MDGA2: variants seen among roughly 807,000 people sequenced by gnomAD.
MDGA2 encodes the protein MAM domain-containing glycosylphosphatidylinositol anchor protein 2.
Under a neutral mutation model 117.8 loss-of-function variants are expected in MDGA2, and 40 were observed. The observed-to-expected ratio is 0.34, with a 90% CI of 0.26 to 0.44. MDGA2 has a LOEUF of 0.44. Among genes scored for constraint, MDGA2 ranks in the 20% least tolerant of loss-of-function variants. The pLI is 1.00. For missense variants in MDGA2, 1,123 were observed against 1,250.6 expected, an observed-to-expected ratio of 0.90 and a Z score of 1.54; for synonymous variants, 452 against 439.0, an observed-to-expected ratio of 1.03 and a Z score of -0.37.
At chr14:47,604,192 T>C (rs1896698598) in intron 1 of MDGA2, among the ~76,000 whole-genome samples, 2 of 152,192 alleles carry the variant, frequency 1.3e-5, no homozygotes, top group African/African-American at 2.4e-5. Flanking sequence ...GAATAAAACT[T>C]GGAAGGAATA....
At chr14:46,901,031 A>T (rs1189914304) in intron 10 of MDGA2, among the ~76,000 whole-genome samples, 1 of 152,118 alleles carries the variant, frequency 6.6e-6, no homozygotes, top group Non-Finnish European at 1.5e-5. Flanking sequence ...AAGAAAAAAA[A>T]CACTGCTTAT....
In MDGA2 at chr14:47,027,627, T is replaced by TA. The variant is rs1555344547; in HGVS notation, c.1819+7383_1819+7384insT. Among the ~76,000 whole-genome samples the TA allele has an allele frequency of 1.0e-3, 147 of 145,952 alleles. 1 individual carries two copies. The highest frequency in any genetic ancestry group is 1.9e-3 in the Non-Finnish European group (127 of 66,484). ...TTGCTCTATCTGAAGATATTATATA[T>TA]TATATATATATATATATGCAATGCA... is the stretch of plus-strand genomic sequence containing the variant. On this transcript the variant is annotated intron_variant, in intron 8 of 16. Transcript: ENST00000399232.
intron 1 of MDGA2, among the ~76,000 whole-genome samples, chr14:47,626,818 C>G (rs1052681949): frequency 6.6e-6 from 1 of 152,230 alleles, no homozygotes; most frequent in Non-Finnish European, 1.5e-5. Flanking sequence ...GCTCCTGCGC[C>G]GCCAGAGCCT....
intron 5 of MDGA2, among the ~76,000 whole-genome samples, chr14:47,121,673 A>G (rs1881659951): frequency 6.6e-6 from 1 of 152,100 alleles, no homozygotes; most frequent in African/African-American, 2.4e-5. Flanking sequence ...CTATAAACAT[A>G]TGATTTAATT....
At chr14:47,452,177 C>T (rs776771099) in intron 1 of MDGA2, among the ~76,000 whole-genome samples, 1 of 151,912 alleles carries the variant, frequency 6.6e-6, no homozygotes, top group Non-Finnish European at 1.5e-5. Context: ...TTTCTCAGTG[C>T]CCTCCCCCAC....
chr14:47,314,218 A>C (rs913806551), intron 1 of MDGA2, among the ~76,000 whole-genome samples: 5 of 152,152 alleles, frequency 3.3e-5, no homozygotes, highest in African/African-American at 1.2e-4. Flanking sequence ...AAAAGATTTT[A>C]TGAGGATGTG....
rs939593737 is a variant in MDGA2 at position 47,674,623 on chromosome 14, G to T, written c.174C>A (p.Thr58=). The T allele has an allele frequency of 6.5e-7, 1 of 1,537,834 alleles. No individual in the cohort carries two copies. Among genetic ancestry groups the T allele is most frequent in the Non-Finnish European group, 8.8e-7 (1 of 1,134,952 alleles). Residue 58 remains threonine, a synonymous_variant, in exon 1 of 17, where the codon ACC becomes ACA. Coordinates refer to ENST00000399232, the MANE Select transcript of MDGA2 (RefSeq NM_001113498.3). ...AAGLLKVPLR[T]PWAGYVHVHV... is the part of the protein sequence containing the mutation. ...GAACATGAACATATCCAGCCCAGGG[G>T]GTACGCAACGGGACCTTCAGGAGGC...
At chr14:47,528,845 T>TGTAAAACAATCTATCTAC (rs1184013728) in intron 1 of MDGA2, among the ~76,000 whole-genome samples, 1 of 152,196 alleles carries the variant, frequency 6.6e-6, no homozygotes, top group Non-Finnish European at 1.5e-5. Flanking sequence ...TATTTTATCT[T>TGTAAAACAATCTATCTAC]GTAAAACAAT....
At position 47,575,594 on chromosome 14, in the gene MDGA2, G is replaced by A. The variant is rs887014801; in HGVS notation, c.280+98923C>T. Among the ~76,000 whole-genome samples, 5 of 152,106 alleles carry A rather than the reference G, an allele frequency of 3.3e-5. 1 individual carries two copies. The highest frequency in any genetic ancestry group is 7.4e-5 in the Non-Finnish European group (5 of 68,020). ...TACTTTTGCCATGCCAACCTCATAG[G>A]TAATCATTAGAAAATAAAACTTTGG... On this transcript the variant is annotated intron_variant, in intron 1 of 16. Transcript: ENST00000399232.
chr14:47,344,274 C>G (rs1191194989), intron 1 of MDGA2, among the ~76,000 whole-genome samples: 2 of 152,114 alleles, frequency 1.3e-5, no homozygotes, highest in African/African-American at 2.4e-5. Flanking sequence ...TGCCTCTCAT[C>G]CTGTTGTTAA....
At chr14:47,283,644 G>T (rs1038938224) in intron 2 of MDGA2, among the ~76,000 whole-genome samples, 1 of 152,110 alleles carries the variant, frequency 6.6e-6, no homozygotes, top group African/African-American at 2.4e-5. Flanking sequence ...TTGATGCTCG[G>T]TGCTTGTCAT....
intron 10 of MDGA2, among the ~76,000 whole-genome samples, chr14:46,917,088 G>C (rs747362229): frequency 1.3e-5 from 2 of 151,860 alleles, no homozygotes; most frequent in African/African-American, 2.4e-5. Flanking sequence ...AATCAAGAAG[G>C]CTTGAAATGA....
At chr14:47,483,919 C>T (rs894648145) in intron 1 of MDGA2, among the ~76,000 whole-genome samples, 1 of 152,114 alleles carries the variant, frequency 6.6e-6, no homozygotes, top group African/African-American at 2.4e-5. Flanking sequence ...TTACTTTTGT[C>T]TACCCAGTAT....
At chr14:47,633,880 T>C (rs986377899) in intron 1 of MDGA2, among the ~76,000 whole-genome samples, 1 of 152,152 alleles carries the variant, frequency 6.6e-6, no homozygotes, top group Non-Finnish European at 1.5e-5. Context: ...AACATAAGGA[T>C]TGGTGCAAAC....
At chr14:47,075,494 CA>C (rs899544168) in intron 6 of MDGA2, among the ~76,000 whole-genome samples, 1 of 152,122 alleles carries the variant, frequency 6.6e-6, no homozygotes, top group African/African-American at 2.4e-5. Flanking sequence ...TCCATTTTGT[CA>C]ATTATCAGAC....
chr14:47,091,421 A>C (rs751999885), intron 6 of MDGA2, among the ~76,000 whole-genome samples: 5 of 152,164 alleles, frequency 3.3e-5, no homozygotes, highest in Non-Finnish European at 5.9e-5. Flanking sequence ...ATGTGATAAG[A>C]AGCAATAAAT....
chr14:47,078,907 T>G (rs913290544), intron 6 of MDGA2, among the ~76,000 whole-genome samples: 28 of 152,136 alleles, frequency 1.8e-4, no homozygotes, highest in African/African-American at 6.0e-4. Context: ...CCTATCTAAC[T>G]GAAATTTTGT....
intron 14 of MDGA2, among the ~76,000 whole-genome samples, chr14:46,873,106 C>T (rs375205228): frequency 1.3e-5 from 2 of 151,852 alleles, no homozygotes; most frequent in Admixed American, 1.3e-4. Context: ...CAGTCACTGT[C>T]GAAGCATGTT....
Position 47,463,313 on chromosome 14 carries a change from C to T in MDGA2, c.281-161763G>A, listed in dbSNP as rs533797436. ...AATGCTTGCACCCAAACATATAGTG[C>T]AATGATGGATATTGTGTGGACTATA... On this transcript the variant is annotated intron_variant, in intron 1 of 16. Transcript: ENST00000399232. Among the ~76,000 whole-genome samples the T allele has an allele frequency of 2.2e-4, 33 of 152,106 alleles. No homozygotes were observed. The South Asian group carries it at 6.4e-3, about 30-fold the overall frequency.
Sources: gnomAD v4.1 joint callset for allele counts (sites outside exome capture counted in the v4.1 genomes callset) on GRCh38, gnomAD v4.1.1 for gene constraint, MANE v1.5 for transcripts, NCBI Gene and HGNC (gene_info 2026-07-23, HGNC 2026-07-21) for gene names.